The following TRIO variants were observed in gnomAD, a reference collection of about 807,000 sequenced individuals.
TRIO encodes the protein trio Rho guanine nucleotide exchange factor, also known as triple functional domain protein.
Under a neutral mutation model 351.9 loss-of-function variants are expected in TRIO, and 58 were observed. The observed-to-expected ratio is 0.16, with a 90% CI of 0.13 to 0.21. TRIO has a LOEUF of 0.21. Ranked by LOEUF, TRIO falls within the 10% of genes least tolerant of loss-of-function variation. The pLI is 1.00. For missense variants in TRIO, 3,201 were observed against 4,027.8 expected (o/e 0.79, Z 5.56); for synonymous variants, 1,758 against 1,595.7 (o/e 1.10, Z -2.42).
At chr5:14,204,393 T>G (rs553602452) in intron 1 of TRIO, among the ~76,000 whole-genome samples, 1 of 152,224 alleles carries the variant, frequency 6.6e-6, no homozygotes, top group Admixed American at 6.5e-5. Context: ...AGTGTGAACT[T>G]ACTCCTTTTT....
rs1757921581 is a variant in TRIO at position 14,509,147 on chromosome 5, C to T, written c.*725C>T. On this transcript the variant is annotated 3_prime_UTR_variant, in exon 57 of 57. Transcript: ENST00000344204. ...ATGAAGACATCAGGTTGGGTCCTGCCCCACTGCCCCTCCCCCTGTTCCTGC... is the reference window on the plus strand; with the variant it reads ...ATGAAGACATCAGGTTGGGTCCTGCTCCACTGCCCCTCCCCCTGTTCCTGC... 2 of 254,740 alleles carry T rather than the reference C, an allele frequency of 7.9e-6. No homozygotes were observed. The highest frequency in any genetic ancestry group is 1.5e-5 in the Non-Finnish European group (2 of 130,052). 15.8% of individuals were successfully genotyped at this position (254,740 alleles called of 1,614,324 possible).
At chr5:14,352,619 T>C (rs2152332176) in intron 11 of TRIO, among the ~76,000 whole-genome samples, 1 of 152,362 alleles carries the variant, frequency 6.6e-6, no homozygotes, top group South Asian at 2.1e-4. Flanking sequence ...GACCTTTATC[T>C]AAGACTTTTT....
At chr5:14,281,604 G>T (rs1388391891) in intron 3 of TRIO, among the ~76,000 whole-genome samples, 1 of 152,100 alleles carries the variant, frequency 6.6e-6, no homozygotes, top group Non-Finnish European at 1.5e-5. Context: ...TATAATCTAA[G>T]GATACAGTCA....
intron 33 of TRIO, among the ~76,000 whole-genome samples, chr5:14,407,065 C>A (rs111688364): frequency 6.6e-6 from 1 of 152,114 alleles, no homozygotes; most frequent in East Asian, 1.9e-4. Flanking sequence ...ACCCTTCCAG[C>A]GACTAGGAGG....
intron 3 of TRIO, among the ~76,000 whole-genome samples, chr5:14,285,755 C>T (rs760371428): frequency 2.6e-5 from 4 of 152,008 alleles, no homozygotes; most frequent in Non-Finnish European, 4.4e-5. Flanking sequence ...TTGGGGAAAA[C>T]CACATATGCG....
intron 35 of TRIO, among the ~76,000 whole-genome samples, chr5:14,461,814 T>A (rs564549707): frequency 1.4e-4 from 21 of 152,384 alleles, no homozygotes; most frequent in African/African-American, 3.6e-4. Flanking sequence ...TTTATTATAC[T>A]TACAGCTTGT....
chr5:14,195,530 T>C (rs1311847570), intron 1 of TRIO, among the ~76,000 whole-genome samples: 1 of 152,232 alleles, frequency 6.6e-6, no homozygotes, highest in African/African-American at 2.4e-5. Flanking sequence ...TCTGTGAAAG[T>C]ATGTAAATAT....
chr5:14,417,924 A>G (rs1749774871), intron 33 of TRIO, among the ~76,000 whole-genome samples: 1 of 152,196 alleles, frequency 6.6e-6, no homozygotes, highest in South Asian at 2.1e-4. Context: ...TCTGTAAGTC[A>G]CATGCCTACC....
At chr5:14,337,739 A>C (rs1030620598) in intron 11 of TRIO, among the ~76,000 whole-genome samples, 1 of 152,220 alleles carries the variant, frequency 6.6e-6, no homozygotes, top group African/African-American at 2.4e-5. Context: ...GTTAGTCCTC[A>C]GTCGGGTCAT....
chr5:14,339,487 A>G (rs927523572), intron 11 of TRIO, among the ~76,000 whole-genome samples: 1 of 152,246 alleles, frequency 6.6e-6, no homozygotes, highest in African/African-American at 2.4e-5. Context: ...TTAAGGACTA[A>G]GTGGTTCACT....
At chr5:14,397,308 A>G in intron 29 of TRIO, 154 bp downstream of exon 29, 2 of 632,786 alleles carry the variant, frequency 3.2e-6, no homozygotes, top group Non-Finnish European at 5.4e-6. Context: ...GCTTTTCTTG[A>G]GGACCACATA....
chr5:14,360,415 C>T (rs1043765601), intron 13 of TRIO, among the ~76,000 whole-genome samples: 55 of 152,350 alleles, frequency 3.6e-4, no homozygotes, highest in African/African-American at 1.2e-3. Flanking sequence ...TGAGCCTGCT[C>T]TCCTGGAGTC....
intron 1 of TRIO, among the ~76,000 whole-genome samples, chr5:14,254,340 T>G (rs1794911583): frequency 6.6e-6 from 1 of 152,048 alleles, no homozygotes; most frequent in Non-Finnish European, 1.5e-5. Context: ...CCCGGCTAAT[T>G]TTTGTATTTT....
intron 1 of TRIO, among the ~76,000 whole-genome samples, chr5:14,177,532 T>C (rs1175250587): frequency 6.6e-6 from 1 of 152,194 alleles, no homozygotes; most frequent in African/African-American, 2.4e-5. Context: ...TCTTGTACTT[T>C]TAAGCCTGCT....
chr5:14,426,683 G>T (rs145418653), intron 34 of TRIO, among the ~76,000 whole-genome samples: 2 of 152,332 alleles, frequency 1.3e-5, no homozygotes, highest in African/African-American at 4.8e-5. Context: ...AGTCTCCGCA[G>T]ATGGCCGGCA....
intron 23 of TRIO, 159 bp downstream of exon 23, chr5:14,388,006 T>C: frequency 1.6e-6 from 1 of 643,572 alleles, no homozygotes; most frequent in Non-Finnish European, 2.7e-6. Flanking sequence ...TTCGCTGCGT[T>C]CACTGTCCTC....
At chr5:14,282,111 A>G (rs955166374) in intron 3 of TRIO, among the ~76,000 whole-genome samples, 1 of 152,214 alleles carries the variant, frequency 6.6e-6, no homozygotes, top group Admixed American at 6.5e-5. Flanking sequence ...GTGTGGCATC[A>G]GTGACTAAGT....
intron 21 of TRIO, among the ~76,000 whole-genome samples, chr5:14,386,675 G>C (rs1227644627): frequency 6.6e-6 from 1 of 152,246 alleles, no homozygotes; most frequent in Non-Finnish European, 1.5e-5. Context: ...TCAGAGTTGA[G>C]TGAGGTTGCC....
chr5:14,330,826 A>G lies in TRIO; in HGVS notation c.1780A>G (p.Thr594Ala). 6.2e-7 allele frequency: 1 copy of G among 1,614,198 alleles called. No individual in the cohort carries two copies. Among genetic ancestry groups the G allele is most frequent in the Non-Finnish European group, 8.5e-7 (1 of 1,179,996 alleles). Residue 594 changes from threonine (T) to alanine (A), a missense_variant, in exon 10 of 57, where the codon ACA (threonine) becomes GCA (alanine). Transcript: ENST00000344204. ...CGGAGAAGCATTTCTGAGCAAACAT[A>G]CAGGTGTGGGGAAATCTCTTCATCG... ...NHGEAFLSKH[T>A]GVGKSLHRAR...
Sources: gnomAD v4.1 joint callset for allele counts (sites outside exome capture counted in the v4.1 genomes callset) on GRCh38, gnomAD v4.1.1 for gene constraint, MANE v1.5 for transcripts, NCBI Gene and HGNC (gene_info 2026-07-23, HGNC 2026-07-21) for gene names.